The following GNG7 variants were observed in gnomAD, a reference collection of about 807,000 sequenced individuals.
GNG7 encodes the protein guanine nucleotide-binding protein G(I)/G(S)/G(O) subunit gamma-7.
In GNG7, 1 loss-of-function variant was observed where a neutral mutation model predicts 4.0. The observed-to-expected ratio is 0.25, with a 90% CI of 0.09 to 1.18. The LOEUF (loss-of-function observed/expected upper bound fraction) is 1.18. Ranked by LOEUF, GNG7 falls within the 50% of genes most tolerant of loss-of-function variation. The pLI is 0.50. For synonymous variants in GNG7, 34 were observed against 36.9 expected, an observed-to-expected ratio of 0.92 and a Z score of 0.29; for missense variants, 86 against 91.9, an observed-to-expected ratio of 0.94 and a Z score of 0.26.
intron 3 of GNG7, chr19:2,538,357 T>C (rs1568235550): frequency 2.2e-6 from 1 of 444,468 alleles, no homozygotes; most frequent in Non-Finnish European, 4.5e-6. Context: ...TGGTGGTGAC[T>C]CATGCCTGTG....
Position 2,552,603 on chromosome 19 carries a change from T to A in GNG7, c.-38+2546A>T, listed in dbSNP as rs1979366278. Among the ~76,000 whole-genome samples, 3 of 151,738 alleles carry A rather than the reference T, an allele frequency of 2.0e-5. No individual in the cohort carries two copies. The South Asian group carries it at 6.3e-4, about 32-fold the overall frequency. On this transcript the variant is annotated intron_variant, in intron 3 of 4. Transcript: ENST00000382159. ...TTTCATCTTGTTGGTCAGGCTAGTC[T>A]CGAACTCCTGACCTCAAGTGATCCA...
intron 1 of GNG7, among the ~76,000 whole-genome samples, chr19:2,657,361 A>ATAT (rs1417220700): frequency 1.2e-4 from 2 of 16,326 alleles, no homozygotes; most frequent in African/African-American, 2.9e-4. Context: ...AAAAAAAAAA[A>ATAT]ATATATATAT....
intron 2 of GNG7, among the ~76,000 whole-genome samples, chr19:2,597,157 G>A (rs895562092): frequency 1.3e-5 from 2 of 148,952 alleles, no homozygotes; most frequent in Non-Finnish European, 3.0e-5. Context: ...CCCAGCTTTG[G>A]TGACTGAGGC....
intron 3 of GNG7, among the ~76,000 whole-genome samples, chr19:2,542,113 T>C (rs1429147364): frequency 8.1e-6 from 1 of 124,128 alleles, no homozygotes; most frequent in Non-Finnish European, 1.8e-5. Context: ...TGTTCTTTTT[T>C]TTTTTTTTTT....
intron 2 of GNG7, among the ~76,000 whole-genome samples, chr19:2,620,220 A>AAGAGGAGAGG (rs765606816): frequency 2.2e-5 from 2 of 89,074 alleles, no homozygotes; most frequent in African/African-American, 1.0e-4. Context: ...CAGAAAAGAA[A>AAGAGGAGAGG]AGAGGAGAGG....
chr19:2,544,969 G>A (rs1044517223), intron 3 of GNG7, among the ~76,000 whole-genome samples: 1 of 152,198 alleles, frequency 6.6e-6, no homozygotes, highest in Admixed American at 6.5e-5. Flanking sequence ...CTCCCAACGG[G>A]ATGGATGGTG....
chr19:2,643,665 C>T, intron 2 of GNG7: 1 of 456,586 alleles, frequency 2.2e-6, no homozygotes, highest in Non-Finnish European at 4.4e-6. Context: ...CCCTGCGCCT[C>T]CTTTTTCGGG....
chr19:2,588,131 G>A (rs1980731547), intron 2 of GNG7, among the ~76,000 whole-genome samples: 2 of 152,132 alleles, frequency 1.3e-5, no homozygotes, highest in African/African-American at 4.8e-5. Flanking sequence ...AAAGGTCCCC[G>A]GGTACAATTT....
At position 2,633,156 on chromosome 19, in the gene GNG7, G is replaced by T. The variant is rs543344785; in HGVS notation, c.-78+13068C>A. Among the ~76,000 whole-genome samples the T allele has an allele frequency of 1.1e-4, 17 of 152,316 alleles. No individual in the cohort carries two copies. The highest frequency in any genetic ancestry group is 4.1e-4 in the African/African-American group (17 of 41,582). The stretch of plus-strand genomic sequence containing the variant: ...CAGGTGGGTGCTGGTTCACTAAAAC[G>T]ATGAAGCGGATGGGAGGAAAATTAG... On this transcript the variant is annotated intron_variant, in intron 2 of 4. Transcript: ENST00000382159. The surrounding 1 kb of genome is among the most constrained non-coding windows in gnomAD (Gnocchi z 5.9).
At chr19:2,647,628 G>A (rs554182686) in intron 1 of GNG7, among the ~76,000 whole-genome samples, 1 of 152,310 alleles carries the variant, frequency 6.6e-6, no homozygotes, top group African/African-American at 2.4e-5. Flanking sequence ...TGAGATGGGA[G>A]GATCGCTTGA....
At chr19:2,697,175 A>G (rs1241652964) in intron 1 of GNG7, among the ~76,000 whole-genome samples, 1 of 152,258 alleles carries the variant, frequency 6.6e-6, no homozygotes, top group Non-Finnish European at 1.5e-5. Context: ...CTTATTTAAA[A>G]GATGGAATTG....
chr19:2,622,269 C>T (rs1568265604), intron 2 of GNG7, among the ~76,000 whole-genome samples: 1 of 152,078 alleles, frequency 6.6e-6, no homozygotes, highest in African/African-American at 2.4e-5. Context: ...TCAGTAGAGA[C>T]GGGGTTTCAC....
At chr19:2,566,954 A>G (rs1979929272) in intron 2 of GNG7, among the ~76,000 whole-genome samples, 1 of 151,826 alleles carries the variant, frequency 6.6e-6, no homozygotes, top group South Asian at 2.1e-4. Flanking sequence ...AATACAAAAA[A>G]ATTAGCCGGG....
intron 1 of GNG7, among the ~76,000 whole-genome samples, chr19:2,697,542 G>A (rs1913295424): frequency 6.6e-6 from 1 of 152,200 alleles, no homozygotes; most frequent in Non-Finnish European, 1.5e-5. Flanking sequence ...TTAAGAGACA[G>A]AGGCCAGGCC....
At chr19:2,601,393 C>G (rs1981194218) in intron 2 of GNG7, among the ~76,000 whole-genome samples, 1 of 152,144 alleles carries the variant, frequency 6.6e-6, no homozygotes, top group South Asian at 2.1e-4. Flanking sequence ...GCCATGTGGA[C>G]TCAGTCCTGC....
chr19:2,670,025 A>G (rs1983411108), intron 1 of GNG7, among the ~76,000 whole-genome samples: 1 of 151,158 alleles, frequency 6.6e-6, no homozygotes, highest in South Asian at 2.1e-4. Flanking sequence ...AAAAAAAAAA[A>G]GAAAGAAAAA....
At chr19:2,520,902 G>T (rs532716854) in intron 3 of GNG7, among the ~76,000 whole-genome samples, 177 bp from the exon 4 acceptor site, 12 of 152,284 alleles carry the variant, frequency 7.9e-5, no homozygotes, top group African/African-American at 2.2e-4. Context: ...TCAGCATAGA[G>T]CCTGGCACGC....
intron 3 of GNG7, among the ~76,000 whole-genome samples, chr19:2,523,558 G>C (rs1978321125): frequency 6.6e-6 from 1 of 152,092 alleles, no homozygotes; most frequent in Non-Finnish European, 1.5e-5. Flanking sequence ...AATGATCCCT[G>C]TTAGTGCCTC....
rs1326377519 is a variant in GNG7 at position 2,626,768 on chromosome 19, G to A, written c.-78+19456C>T. ...ACATCTGTAATTGTCATGACGGAGGGAAGTGGGACCTTCCCTGACTAATAT... is the reference window on the plus strand; with the variant it reads ...ACATCTGTAATTGTCATGACGGAGGAAAGTGGGACCTTCCCTGACTAATAT... On this transcript the variant is annotated intron_variant, in intron 2 of 4. Transcript: ENST00000382159. This position sits in a 1 kb window ranked among gnomAD's most constrained non-coding sequence, Gnocchi z 5.0. Among the ~76,000 whole-genome samples, 1 of 152,144 alleles carries A rather than the reference G, an allele frequency of 6.6e-6. No homozygotes were observed. Among genetic ancestry groups the A allele is most frequent in the African/African-American group, 2.4e-5 (1 of 41,426 alleles).
Sources: allele counts gnomAD v4.1 joint callset (sites outside exome capture counted in the v4.1 genomes callset), GRCh38; gene constraint gnomAD v4.1.1; non-coding constraint Gnocchi (gnomAD v3.1); transcripts MANE v1.5; gene names NCBI Gene and HGNC (gene_info 2026-07-23, HGNC 2026-07-21).